The following IGSF9B variants were observed in gnomAD, a reference collection of about 807,000 sequenced individuals.
IGSF9B encodes immunoglobulin superfamily member 9B.
Under a neutral mutation model 143.7 loss-of-function variants are expected in IGSF9B, and 48 were observed. The ratio of observed to expected loss-of-function variants is 0.33; its 90% CI spans 0.26 to 0.42. IGSF9B has a LOEUF of 0.42. IGSF9B is among the 20% of genes least tolerant of loss of function. The pLI is 1.00. For synonymous variants in IGSF9B, 903 were observed against 833.1 expected, an observed-to-expected ratio of 1.08 and a Z score of -1.44; for missense variants, 1,706 against 1,980.0, an observed-to-expected ratio of 0.86 and a Z score of 2.63.
chr11:133,948,617 C>CTGTGTGTGTGTGTG lies in IGSF9B; in HGVS notation c.65-2373_65-2360dup, dbSNP rs59414581. ...TGGGTGCCATGAGTTTGCAGAGAAG[C>CTGTGTGTGTGTGTG]TGTGTGTGTGTGTGTGTGTGTGTGT... On this transcript the variant is annotated intron_variant, in intron 1 of 19. Transcript: ENST00000533871. The surrounding 1 kb of genome is among the most constrained non-coding windows in gnomAD (Gnocchi z 4.7). Among the ~76,000 whole-genome samples, 1 of 141,000 alleles carries CTGTGTGTGTGTGTG rather than the reference C, an allele frequency of 7.1e-6. No homozygotes were observed. The highest frequency in any genetic ancestry group is 2.7e-5 in the African/African-American group (1 of 37,412). The allele number at this position is 141,000 out of a possible 152,430, so 92.5% of individuals were successfully genotyped here. A position where few individuals can be genotyped will look rare whatever the true frequency, so the allele number is the denominator to read the frequency against.
chr11:133,936,178 G>C lies in IGSF9B; in HGVS notation c.696C>G (p.Val232=), dbSNP rs1158265920. Residue 232 remains valine (V), a synonymous_variant, in exon 6 of 20, where the codon GTC becomes GTG. Transcript: ENST00000533871. ...TGACGGTGATGTTCTCAGGAGGGGAGACGATGAAAGGGGGCCCTGGGGAGA... is the reference window on the plus strand; with the variant it reads ...TGACGGTGATGTTCTCAGGAGGGGACACGATGAAAGGGGGCCCTGGGGAGA... ...HLLVQGPPFI[V]SPPENITVNI... 1 of 1,610,922 alleles carries C rather than the reference G, an allele frequency of 6.2e-7. No homozygotes were observed.
chr11:133,937,413 C>A lies in IGSF9B; in HGVS notation c.642G>T (p.Gln214His). The change falls in exon 5 of 20, where the codon CAG (glutamine) becomes CAT (histidine). Residue 214 changes from glutamine (Q) to histidine (H), a missense_variant. Transcript: ENST00000533871. ...GGTGAGTCGTGTGGACAGCCTCCCC[C>A]TGAATGCTGTACGCTCGGCAGGTGT... The part of the protein sequence containing the change: ...GAYTCRAYSI[Q>H]GEAVHTTHLL... 6.2e-7 allele frequency: 1 copy of A among 1,613,660 alleles called. No homozygotes were observed. Among genetic ancestry groups the A allele is most frequent in the Non-Finnish European group, 8.5e-7 (1 of 1,179,606 alleles).
chr11:133,945,918 G>A lies in IGSF9B; in HGVS notation c.262+143C>T, dbSNP rs1940040183. 6.2e-6 allele frequency: 4 copies of A among 641,648 alleles called. No individual in the cohort carries two copies. The highest frequency in any genetic ancestry group is 2.1e-5 in the South Asian group (1 of 47,110). 39.7% of individuals were successfully genotyped at this position (641,648 alleles called of 1,614,324 possible). A position where few individuals can be genotyped will look rare whatever the true frequency, so the allele number is the denominator to read the frequency against. ...TCCCACCGCTTGATTAGAACCAACA[G>A]AGGACAAAGGATGGGAGGAACCAGG... On this transcript the variant is annotated intron_variant, in intron 2 of 19. Transcript: ENST00000533871. This position sits in a 1 kb window ranked among gnomAD's most constrained non-coding sequence, Gnocchi z 4.6.
chr11:133,952,174 G>A (rs1243008369), intron 1 of IGSF9B: 1 of 406,860 alleles, frequency 2.5e-6, no homozygotes, highest in South Asian at 1.7e-5. Context: ...CAGAAAAGCA[G>A]GAAGATTCCC....
Position 133,925,779 on chromosome 11 carries a change from G to A in IGSF9B, c.1994C>T (p.Pro665Leu). The part of the protein sequence containing the change: ...ERWELLDDGI[P>L]GTEGEFFAKD... Reference sequence around the variant, plus strand: ...GGCAAAGAACTCTCCTTCGGTGCCGGGGATGCCATCGTCGAGCAACTCCCA... The same window carrying A: ...GGCAAAGAACTCTCCTTCGGTGCCGAGGATGCCATCGTCGAGCAACTCCCA... Residue 665 changes from proline to leucine, a missense_variant, in exon 14 of 20, where the codon CCC becomes CTC. Physicochemically the swap from Pro to Leu is moderately conservative, Grantham distance 98 (BLOSUM62 -3). This residue lies in a region of IGSF9B where 267 missense variants were observed against 321.1 expected (regional missense o/e 0.83). Transcript: ENST00000533871. 1 of 1,613,812 alleles carries A rather than the reference G, an allele frequency of 6.2e-7. No individual in the cohort carries two copies. The highest frequency in any genetic ancestry group is 8.5e-7 in the Non-Finnish European group (1 of 1,179,864).
At position 133,906,878 on chromosome 11, in the gene IGSF9B, C is replaced by A. The variant is rs945915529; in HGVS notation, c.*2191G>T. On this transcript the variant is annotated 3_prime_UTR_variant, in exon 20 of 20. Coordinates refer to ENST00000533871, the MANE Select transcript of IGSF9B (RefSeq NM_001277285.4). ...CACGTCAGCTTGCGGTAAGCCCCCA[C>A]CTCCCACCCCAACACCTCAGGTAAG... Among the ~76,000 whole-genome samples, 13 of 152,154 alleles carry A rather than the reference C, an allele frequency of 8.5e-5. No homozygotes were observed. The highest frequency in any genetic ancestry group is 1.8e-4 in the Non-Finnish European group (12 of 68,022).
intron 1 of IGSF9B, 71 bp from the exon 2 acceptor site, chr11:133,946,329 C>T (rs10894769): frequency 0.19 from 255,664 of 1,376,778 alleles, 32,550 homozygotes; most frequent in African/African-American, 0.62. Context: ...GCCCCATGTC[C>T]GTGTCACAGG....
rs71038546 is a variant in IGSF9B at position 133,948,056 on chromosome 11, C to CGTGTGTGTGT, written c.65-1808_65-1799dup. On this transcript the variant is annotated intron_variant, in intron 1 of 19. Transcript: ENST00000533871. The surrounding 1 kb of genome is among the most constrained non-coding windows in gnomAD (Gnocchi z 4.7). The stretch of plus-strand genomic sequence containing the variant: ...CTGTTTCTGTCTACCAGCATGTGTG[C>CGTGTGTGTGT]GTGTGTGTGTGTGTGTGTGTGTGTG... Among the ~76,000 whole-genome samples the CGTGTGTGTGT allele has an allele frequency of 0.015, 2,233 of 147,258 alleles. 54 individuals carry two copies. Among genetic ancestry groups the CGTGTGTGTGT allele is most frequent in the African/African-American group, 0.054 (2,112 of 39,156 alleles).
Position 133,903,797 on chromosome 11 carries a change from C to T in IGSF9B, c.*5272G>A, listed in dbSNP as rs906396001. On this transcript the variant is annotated 3_prime_UTR_variant, in exon 20 of 20. Coordinates refer to ENST00000533871, the MANE Select transcript of IGSF9B (RefSeq NM_001277285.4). ...AGGAACCCAGAAATAAGGCTCTGAA[C>T]CAGTGTGGATTCACTCGCAGTCAGA... is the stretch of plus-strand genomic sequence containing the variant. Among the ~76,000 whole-genome samples, 2 of 152,116 alleles carry T rather than the reference C, an allele frequency of 1.3e-5. No homozygotes were observed. Among genetic ancestry groups the T allele is most frequent in the African/African-American group, 4.8e-5 (2 of 41,440 alleles).
Position 133,903,282 on chromosome 11 carries a change from T to C in IGSF9B, c.*5787A>G, listed in dbSNP as rs750878062. On this transcript the variant is annotated 3_prime_UTR_variant, in exon 20 of 20. Transcript: ENST00000533871. Reference sequence around the variant, plus strand: ...GCCCAGGCAGCCATTCACGTCCCCATCTAGTGTGATGGGAATGGTGACAAC... The same window carrying C: ...GCCCAGGCAGCCATTCACGTCCCCACCTAGTGTGATGGGAATGGTGACAAC... 6.6e-6 allele frequency among the ~76,000 whole-genome samples: 1 copy of C among 151,734 alleles called. No individual in the cohort carries two copies. Among genetic ancestry groups the C allele is most frequent in the African/African-American group, 2.4e-5 (1 of 41,270 alleles).
At chr11:133,912,423 G>T in intron 18 of IGSF9B, 2 of 455,022 alleles carry the variant, frequency 4.4e-6, no homozygotes, top group South Asian at 3.1e-5. Flanking sequence ...TTAGAGCAGG[G>T]GGCAAGCAGC....
Position 133,898,263 on chromosome 11 carries a change from C to T in IGSF9B, c.*10806G>A, listed in dbSNP as rs751448835. ...TCATGACGAAACTGACAGTCATATC[C>T]AGAAAAGAAGAACTACAGCAAGAGG... On this transcript the variant is annotated 3_prime_UTR_variant, in exon 20 of 20. Coordinates refer to ENST00000533871, the MANE Select transcript of IGSF9B (RefSeq NM_001277285.4). 1 of 152,202 alleles carries T rather than the reference C, an allele frequency of 6.6e-6. No homozygotes were observed. Among genetic ancestry groups the T allele is most frequent in the Non-Finnish European group, 1.5e-5 (1 of 68,082 alleles). 9.4% of individuals were successfully genotyped at this position (152,202 alleles called of 1,614,324 possible).
In IGSF9B at chr11:133,927,107, AGACAGG is replaced by A. The variant is rs769588477; in HGVS notation, c.1632-22_1632-17del. 6.4e-5 allele frequency: 99 copies of A among 1,540,458 alleles called. No individual in the cohort carries two copies. The highest frequency in any genetic ancestry group is 8.5e-5 in the Non-Finnish European group (97 of 1,137,492). On this transcript the variant is annotated splice_polypyrimidine_tract_variant and intron_variant, in intron 12 of 19. Transcript: ENST00000533871. ...CCGCTTCATCCTGGCCAAAAGAGAG[AGACAGG>A]ATAGGGGACGAGGGGCGGGGTGGGT... is the stretch of plus-strand genomic sequence containing the variant.
At position 133,906,334 on chromosome 11, in the gene IGSF9B, C is replaced by T. The variant is rs531562365; in HGVS notation, c.*2735G>A. On this transcript the variant is annotated 3_prime_UTR_variant, in exon 20 of 20. Coordinates refer to ENST00000533871, the MANE Select transcript of IGSF9B (RefSeq NM_001277285.4). The stretch of plus-strand genomic sequence containing the variant: ...GGGAACTGCGTTCCACCAATCCCAT[C>T]GCCGTCCACGGGCTGCAGGAGGGCT... Among the ~76,000 whole-genome samples, 15 of 152,346 alleles carry T rather than the reference C, an allele frequency of 9.8e-5. No homozygotes were observed. The East Asian group carries it at 1.7e-3, about 18-fold the overall frequency.
chr11:133,937,127 C>T (rs1407487800), intron 5 of IGSF9B, among the ~76,000 whole-genome samples: 1 of 152,198 alleles, frequency 6.6e-6, no homozygotes, highest in Admixed American at 6.5e-5. Context: ...ACCCACACAG[C>T]AGGGGCCTCT....
Position 133,948,478 on chromosome 11 carries a change from C to T in IGSF9B, c.65-2220G>A, listed in dbSNP as rs1010555002. Among the ~76,000 whole-genome samples the T allele has an allele frequency of 6.6e-6, 1 of 152,118 alleles. No homozygotes were observed. The highest frequency in any genetic ancestry group is 1.5e-5 in the Non-Finnish European group (1 of 68,014). On this transcript the variant is annotated intron_variant, in intron 1 of 19. Coordinates refer to ENST00000533871, the MANE Select transcript of IGSF9B (RefSeq NM_001277285.4). This position sits in a 1 kb window ranked among gnomAD's most constrained non-coding sequence, Gnocchi z 4.7. ...CCCCTCAGGGAAAGCAGGGAGAGTG[C>T]CCAGCTGCAGCCTCACCTCCCCCAC... is the stretch of plus-strand genomic sequence containing the variant.
Position 133,920,581 on chromosome 11 carries a change from C to T in IGSF9B, c.3144G>A (p.Gly1048=), listed in dbSNP as rs2121291160. ...EPWGRPEFPF[G]GLETPAMMFP... is the part of the protein sequence containing the mutation. ...ACATCATCGCTGGGGTCTCCAGCCC[C>T]CCGAAGGGGAATTCTGGCCGGCCCC... The change falls in exon 18 of 20, where the codon GGG becomes GGA. Residue 1048 remains glycine, a synonymous_variant. Transcript: ENST00000533871. 6.2e-7 allele frequency: 1 copy of T among 1,613,356 alleles called. No homozygotes were observed. The highest frequency in any genetic ancestry group is 1.1e-5 in the South Asian group (1 of 91,068).
In IGSF9B at chr11:133,924,733, G is replaced by A. The variant is rs769719419; in HGVS notation, c.2119+87C>T. ...TTAGTTTCCAATCCAGCTTCTCCTC[G>A]TGGAGTAGCCATTTCACAAAATGAC... On this transcript the variant is annotated intron_variant, in intron 15 of 19. Transcript: ENST00000533871. 4.4e-5 allele frequency: 48 copies of A among 1,085,966 alleles called. 1 individual carries two copies. The highest frequency in any genetic ancestry group is 2.4e-4 in the East Asian group (10 of 42,080). 67.3% of individuals were successfully genotyped at this position (1,085,966 alleles called of 1,614,324 possible).
At chr11:133,930,324 C>A (rs1682859) in intron 11 of IGSF9B, among the ~76,000 whole-genome samples, 100,652 of 151,992 alleles carry the variant, frequency 0.66, 33,683 homozygotes, top group Middle Eastern at 0.77. Flanking sequence ...TTCGAGGAAC[C>A]TACACTAGAG....
Sources: allele counts gnomAD v4.1 joint callset (sites outside exome capture counted in the v4.1 genomes callset), GRCh38; gene constraint gnomAD v4.1.1; regional missense constraint gnomAD v4.1.1; non-coding constraint Gnocchi (gnomAD v3.1); transcripts MANE v1.5; gene names NCBI Gene and HGNC (gene_info 2026-07-23, HGNC 2026-07-21).